The following EDAR variants were observed in gnomAD, a reference collection of about 807,000 sequenced individuals.
EDAR encodes the protein tumor necrosis factor receptor superfamily member EDAR.
Under a neutral mutation model 51.3 loss-of-function variants are expected in EDAR, and 38 were observed. The ratio of observed to expected loss-of-function variants is 0.74; its 90% CI spans 0.57 to 0.97. The LOEUF is 0.97. Among genes scored for constraint, EDAR ranks in the 50% least tolerant of loss-of-function variants. The pLI is 0.00. For synonymous variants in EDAR, 227 were observed against 242.1 expected, an observed-to-expected ratio of 0.94 and a Z score of 0.58; for missense variants, 528 against 595.0, an observed-to-expected ratio of 0.89 and a Z score of 1.17.
At chr2:108,904,230 T>C (rs1696761525) in intron 11 of EDAR, among the ~76,000 whole-genome samples, 1 of 151,816 alleles carries the variant, frequency 6.6e-6, no homozygotes, top group Non-Finnish European at 1.5e-5. Context: ...ATTTAAACAA[T>C]AGGAACATGC....
At chr2:108,958,445 C>T (rs867716354) in intron 1 of EDAR, among the ~76,000 whole-genome samples, 1 of 152,104 alleles carries the variant, frequency 6.6e-6, no homozygotes, top group Non-Finnish European at 1.5e-5. Context: ...AAAAAAAACC[C>T]CAGGGCAGTG....
At chr2:108,897,377 C>T (rs189505199) in intron 11 of EDAR, 148 bp from the exon 12 acceptor site, 237 of 787,816 alleles carry the variant, frequency 3.0e-4, no homozygotes, top group Non-Finnish European at 4.1e-4. Flanking sequence ...AAAACAAATG[C>T]ATAACTTAAG....
chr2:108,978,564 C>T (rs562591856), intron 1 of EDAR, among the ~76,000 whole-genome samples: 3 of 152,014 alleles, frequency 2.0e-5, no homozygotes, highest in Non-Finnish European at 4.4e-5. Context: ...TTCAGAGCAC[C>T]GAGGAAAAGT....
chr2:108,899,622 G>A (rs556634368), intron 11 of EDAR, among the ~76,000 whole-genome samples: 9 of 152,304 alleles, frequency 5.9e-5, no homozygotes, highest in South Asian at 2.1e-4. Flanking sequence ...TACAACTACT[G>A]TAAACAGAGA....
At chr2:108,921,647 G>A (rs528844422) in intron 5 of EDAR, among the ~76,000 whole-genome samples, 2 of 152,300 alleles carry the variant, frequency 1.3e-5, no homozygotes, top group South Asian at 2.1e-4. Flanking sequence ...CGACGTTTTT[G>A]CTGACTGCTG....
Position 108,907,953 on chromosome 2 carries a change from G to A in EDAR, c.870C>T (p.Pro290=), listed in dbSNP as rs3749099. 7.1e-3 allele frequency: 11,453 copies of A among 1,613,616 alleles called. 89 individuals carry two copies. The highest frequency in any genetic ancestry group is 0.03 in the East Asian group (1,362 of 44,852). ...CCGGGGAGCCCTGCTTGTCAGGGGC[G>A]GGCTCCTCATCACTGTCGACGCTCC... The part of the protein sequence containing the change: ...LSRSVDSDEE[P]APDKQGSPEL... Residue 290 remains proline, a synonymous_variant, in exon 10 of 12, where the codon CCC becomes CCT. Transcript: ENST00000258443.
chr2:108,960,322 A>G (rs1344994560), intron 1 of EDAR, among the ~76,000 whole-genome samples: 2 of 152,224 alleles, frequency 1.3e-5, no homozygotes, highest in African/African-American at 4.8e-5. Flanking sequence ...GAACAAAAAA[A>G]GTGCTCACTG....
chr2:108,948,295 T>C (rs182278220), intron 1 of EDAR, among the ~76,000 whole-genome samples: 1 of 152,332 alleles, frequency 6.6e-6, no homozygotes, highest in Admixed American at 6.5e-5. Flanking sequence ...ATTCAACAAG[T>C]CTGTAGGAAG....
intron 1 of EDAR, among the ~76,000 whole-genome samples, chr2:108,940,936 CT>C (rs1473206587): frequency 6.6e-6 from 1 of 152,156 alleles, no homozygotes; most frequent in East Asian, 1.9e-4. Context: ...AGGTGGGAGA[CT>C]TTGATAACGT....
intron 1 of EDAR, among the ~76,000 whole-genome samples, chr2:108,935,411 C>T (rs1322976442): frequency 6.6e-6 from 1 of 152,174 alleles, no homozygotes; most frequent in East Asian, 1.9e-4. Flanking sequence ...GACCTGCTGT[C>T]TGGGATCTGC....
At chr2:108,960,491 G>A (rs1698017381) in intron 1 of EDAR, among the ~76,000 whole-genome samples, 1 of 152,162 alleles carries the variant, frequency 6.6e-6, no homozygotes, top group South Asian at 2.1e-4. Flanking sequence ...TGGAAGGTGG[G>A]GGCATGAGGA....
At chr2:108,941,143 G>A (rs939059054) in intron 1 of EDAR, among the ~76,000 whole-genome samples, 1 of 152,228 alleles carries the variant, frequency 6.6e-6, no homozygotes, top group African/African-American at 2.4e-5. Context: ...CCTGTGATGC[G>A]TCTGCGTTGT....
intron 1 of EDAR, among the ~76,000 whole-genome samples, chr2:108,954,745 G>A (rs1013523441): frequency 1.3e-5 from 2 of 151,366 alleles, no homozygotes; most frequent in African/African-American, 2.4e-5. Context: ...GCGTGATCTC[G>A]GCTCACTGCA....
intron 1 of EDAR, among the ~76,000 whole-genome samples, chr2:108,966,816 C>A (rs1408787917): frequency 6.6e-6 from 1 of 152,188 alleles, no homozygotes; most frequent in Non-Finnish European, 1.5e-5. Flanking sequence ...CTGGGGACCA[C>A]TATTCTTGGC....
intron 1 of EDAR, among the ~76,000 whole-genome samples, chr2:108,972,118 C>T (rs531812151): frequency 5.3e-5 from 8 of 152,354 alleles, no homozygotes; most frequent in Middle Eastern, 3.4e-3. Context: ...CCAGCGGAGC[C>T]GCTCCCTGAT....
At position 108,930,380 on chromosome 2, in the gene EDAR, C is replaced by T. The variant is rs915953747; in HGVS notation, c.52-138G>A. 8.2e-5 allele frequency: 72 copies of T among 876,502 alleles called. No individual in the cohort carries two copies. In the Admixed American group the frequency reaches 9.2e-4, roughly 11 times the overall value. 54.3% of individuals were successfully genotyped at this position (876,502 alleles called of 1,614,324 possible). ...TGGGGGCTCGGTCTGGGAAGGTGCC[C>T]GCTTGTGAGTGCTCACTGCTGCTAA... is the stretch of plus-strand genomic sequence containing the variant. On this transcript the variant is annotated intron_variant, in intron 2 of 11. Transcript: ENST00000258443.
At chr2:108,966,418 C>G (rs1420595998) in intron 1 of EDAR, among the ~76,000 whole-genome samples, 3 of 152,262 alleles carry the variant, frequency 2.0e-5, no homozygotes, top group Admixed American at 2.0e-4. Context: ...GCAGGCAGAG[C>G]TCCTCTGGAG....
intron 6 of EDAR, among the ~76,000 whole-genome samples, chr2:108,911,796 A>G (rs571786720): frequency 6.6e-6 from 1 of 152,262 alleles, no homozygotes; most frequent in African/African-American, 2.4e-5. Context: ...GAAGCTCCCA[A>G]ATCATCTCGG....
chr2:108,966,016 C>T (rs1698145550), intron 1 of EDAR, among the ~76,000 whole-genome samples: 1 of 152,216 alleles, frequency 6.6e-6, no homozygotes, highest in African/African-American at 2.4e-5. Flanking sequence ...TTCCCTTTTA[C>T]AACTGGGGCT....
Sources: allele counts gnomAD v4.1 joint callset (sites outside exome capture counted in the v4.1 genomes callset), GRCh38; gene constraint gnomAD v4.1.1; transcripts MANE v1.5; gene names NCBI Gene and HGNC (gene_info 2026-07-23, HGNC 2026-07-21).